Variants in ATP9A observed in about 807,000 individuals in gnomAD.
ATP9A encodes ATPase phospholipid transporting 9A.
A neutral mutation model predicts 144.1 loss-of-function variants in ATP9A; 52 were observed. That is an observed-to-expected ratio of 0.36 (90% confidence interval 0.29 to 0.45). ATP9A has a LOEUF of 0.45. Among genes scored for constraint, ATP9A ranks in the 20% least tolerant of loss-of-function variants. The pLI, the probability that ATP9A is intolerant of heterozygous loss-of-function variation, is 1.00. For missense variants in ATP9A, 947 were observed against 1,392.7 expected, an observed-to-expected ratio of 0.68 and a Z score of 5.09; for synonymous variants, 582 against 557.4, an observed-to-expected ratio of 1.04 and a Z score of -0.62.
intron 1 of ATP9A, among the ~76,000 whole-genome samples, chr20:51,746,747 G>C (rs2077810018): frequency 6.6e-6 from 1 of 152,246 alleles, no homozygotes; most frequent in Non-Finnish European, 1.5e-5. Flanking sequence ...GCTGAGGAAG[G>C]AGAATTGCTT....
chr20:51,644,812 A>C (rs528467714), intron 14 of ATP9A, among the ~76,000 whole-genome samples: 2 of 151,894 alleles, frequency 1.3e-5, no homozygotes, highest in South Asian at 4.2e-4. Context: ...TTTTATTCCT[A>C]TTCTCAAGTA....
intron 13 of ATP9A, 52 bp from the exon 14 acceptor site, chr20:51,657,202 G>A: frequency 2.0e-6 from 3 of 1,501,266 alleles, no homozygotes; most frequent in East Asian, 2.3e-5. Flanking sequence ...GGAATGATTT[G>A]GAGAGTGGAA....
chr20:51,766,439 A>G (rs771550054), intron 1 of ATP9A, among the ~76,000 whole-genome samples: 11 of 152,088 alleles, frequency 7.2e-5, no homozygotes, highest in African/African-American at 1.2e-4. Context: ...ATTAATAACC[A>G]CTGGATTTTA....
chr20:51,746,299 C>G (rs1011136159), intron 1 of ATP9A, among the ~76,000 whole-genome samples: 2 of 152,102 alleles, frequency 1.3e-5, no homozygotes, highest in Admixed American at 6.6e-5. Context: ...GGTACGTAGC[C>G]CTGAACCTAA....
intron 4 of ATP9A, among the ~76,000 whole-genome samples, chr20:51,708,511 G>C (rs1321385725): frequency 6.6e-6 from 1 of 152,006 alleles, no homozygotes; most frequent in Non-Finnish European, 1.5e-5. Context: ...GAGGCGGGCG[G>C]GTCACTCGAG....
intron 13 of ATP9A, among the ~76,000 whole-genome samples, chr20:51,661,495 C>T (rs1366003025): frequency 1.3e-5 from 2 of 148,780 alleles, no homozygotes; most frequent in Non-Finnish European, 3.0e-5. Flanking sequence ...TTCTGAATAC[C>T]GGGACCACAG....
rs892964753 is a variant in ATP9A, at chr20:51,614,337, G to A, written c.2416-505C>T. 1.1e-4 allele frequency among the ~76,000 whole-genome samples: 16 copies of A among 152,220 alleles called. No homozygotes were observed. The East Asian group carries it at 2.9e-3, about 27-fold the overall frequency. ...TTTTCTTGAGACTGGGTCCCACTCT[G>A]TCACGCAGGCTGGAGTACAGTGGTG... On this transcript the variant is annotated intron_variant, in intron 22 of 27. Coordinates refer to ENST00000338821, the MANE Select transcript of ATP9A (RefSeq NM_006045.3).
In ATP9A at chr20:51,601,238, G is replaced by T. The variant is rs572836344; in HGVS notation, c.3117C>A (p.Pro1039=). Residue 1039 remains proline, a synonymous_variant, in exon 28 of 28, where the codon CCC becomes CCA. Transcript: ENST00000338821. The part of the protein sequence containing the change: ...VLKYLRRRFS[P]PSYSKLTS ...ATGATGTGAGCTTTGAGTAGCTGGG[G>T]GGAGAGAACCGTCTTCGCAGGTACT... The T allele has an allele frequency of 6.2e-6, 10 of 1,613,542 alleles. No homozygotes were observed. The highest frequency in any genetic ancestry group is 8.5e-7 in the Non-Finnish European group (1 of 1,179,750).
chr20:51,658,813 C>T (rs1471566302), intron 13 of ATP9A, among the ~76,000 whole-genome samples: 14 of 150,436 alleles, frequency 9.3e-5, no homozygotes, highest in Admixed American at 6.7e-4. Flanking sequence ...AGCCACCGTG[C>T]CCGACCCCCA....
intron 13 of ATP9A, 30 bp from the exon 14 acceptor site, chr20:51,657,180 T>C: frequency 6.4e-7 from 1 of 1,574,414 alleles, no homozygotes; most frequent in Non-Finnish European, 8.7e-7. Flanking sequence ...ACAAGGAAGA[T>C]GACCAGAGGC....
chr20:51,669,601 G>A (rs2426373), intron 13 of ATP9A, among the ~76,000 whole-genome samples: 73,776 of 152,036 alleles, frequency 0.49, 18,703 homozygotes, highest in East Asian at 0.78. Flanking sequence ...CAACCAGCAG[G>A]TTCCTTCTGG....
chr20:51,670,660 C>A (rs1764726284), intron 12 of ATP9A, among the ~76,000 whole-genome samples: 1 of 152,226 alleles, frequency 6.6e-6, no homozygotes, highest in Non-Finnish European at 1.5e-5. Flanking sequence ...GAAACCAGAT[C>A]TTCCCCCTCC....
At chr20:51,662,186 T>C (rs1413588853) in intron 13 of ATP9A, among the ~76,000 whole-genome samples, 2 of 152,224 alleles carry the variant, frequency 1.3e-5, no homozygotes, top group African/African-American at 2.4e-5. Context: ...AGCACAAGGT[T>C]GGATCTTGCC....
chr20:51,651,187 A>G (rs1172527010), intron 14 of ATP9A, among the ~76,000 whole-genome samples: 1 of 95,424 alleles, frequency 1.0e-5, no homozygotes, highest in East Asian at 5.1e-4. Flanking sequence ...CACAAAGTAA[A>G]TATTATTTTA....
At position 51,618,770 on chromosome 20, in the gene ATP9A, G is replaced by T. The variant is rs1193832434; in HGVS notation, c.2242C>A (p.Leu748Met). The change falls in exon 21 of 28, where the codon CTG becomes ATG. Residue 748 changes from leucine to methionine, a missense_variant. Physicochemically the swap from Leu to Met is conservative, Grantham distance 15. This residue lies in a region of ATP9A where 770 missense variants were observed against 1,047.9 expected (regional missense o/e 0.73). Transcript: ENST00000338821. The stretch of plus-strand genomic sequence containing the variant: ...ACTACGGCCGGGCACTGGCAGGCCA[G>T]CTCCATGAACTCGTACTCATAGTAC... Reference protein sequence around the residue: ...LKYYEYEFMELACQCPAVVCC... With the variant: ...LKYYEYEFMEMACQCPAVVCC... The T allele has an allele frequency of 6.2e-7, 1 of 1,606,316 alleles. No homozygotes were observed. The highest frequency in any genetic ancestry group is 8.5e-7 in the Non-Finnish European group (1 of 1,176,228).
At chr20:51,766,509 C>T (rs1290609267) in intron 1 of ATP9A, among the ~76,000 whole-genome samples, 1 of 152,150 alleles carries the variant, frequency 6.6e-6, no homozygotes, top group African/African-American at 2.4e-5. Context: ...ATGTACCAGG[C>T]ACTGTTCCAG....
intron 14 of ATP9A, among the ~76,000 whole-genome samples, chr20:51,649,339 T>C (rs989589136): frequency 1.3e-5 from 2 of 152,168 alleles, no homozygotes; most frequent in Non-Finnish European, 2.9e-5. Flanking sequence ...GCATGGGCTG[T>C]CTGGTTTTAA....
At chr20:51,671,335 A>G in intron 11 of ATP9A, 78 bp from the exon 12 acceptor site, 1 of 1,520,008 alleles carries the variant, frequency 6.6e-7, no homozygotes, top group Non-Finnish European at 9.0e-7. Context: ...CATGGACTCT[A>G]AACACATGTG....
At chr20:51,762,574 G>A (rs1034130409) in intron 1 of ATP9A, among the ~76,000 whole-genome samples, 11 of 151,668 alleles carry the variant, frequency 7.3e-5, no homozygotes, top group East Asian at 3.9e-4. Flanking sequence ...CATGAGAATC[G>A]CTTGAACCCG....
Sources: allele counts gnomAD v4.1 joint callset (sites outside exome capture counted in the v4.1 genomes callset), GRCh38; gene constraint gnomAD v4.1.1; regional missense constraint gnomAD v4.1.1; transcripts MANE v1.5; gene names NCBI Gene and HGNC (gene_info 2026-07-23, HGNC 2026-07-21).